Variants in CEP164 observed in about 807,000 individuals in gnomAD.
CEP164 encodes centrosomal protein 164, also known as centrosomal protein of 164 kDa.
A neutral mutation model predicts 182.7 loss-of-function variants in CEP164; 162 were observed. The ratio of observed to expected loss-of-function variants is 0.89; its 90% CI spans 0.78 to 1.01. CEP164 has a LOEUF of 1.01. CEP164 is among the 50% of genes least tolerant of loss of function. The pLI is 0.00. For missense variants in CEP164, 1,735 were observed against 1,790.4 expected (o/e 0.97, Z 0.56); for synonymous variants, 661 against 690.0 (o/e 0.96, Z 0.66).
rs2040927568 is a variant in CEP164, at chr11:117,361,245, T to C, written c.394-590T>C. ...CCACTGCGCCTGGCTTTTTTTTTTT[T>C]TTTTTTTTTTTTTTGAGACAGAGTC... On this transcript the variant is annotated intron_variant, in intron 5 of 32. Transcript: ENST00000278935. 3.7e-5 allele frequency among the ~76,000 whole-genome samples: 5 copies of C among 134,670 alleles called. No homozygotes were observed. The South Asian group carries it at 1.3e-3, about 36-fold the overall frequency. 88.3% of individuals were successfully genotyped at this position (134,670 alleles called of 152,430 possible).
At chr11:117,322,718 G>A (rs1275563800) in intron 1 of CEP164, among the ~76,000 whole-genome samples, 1 of 147,182 alleles carries the variant, frequency 6.8e-6, no homozygotes, top group Non-Finnish European at 1.5e-5. Context: ...ACCACGCCTG[G>A]CATATTTTGT....
At chr11:117,381,570 G>T (rs1208954683) in intron 12 of CEP164, 131 bp from the exon 13 acceptor site, 23 of 1,095,828 alleles carry the variant, frequency 2.1e-5, no homozygotes, top group Non-Finnish European at 2.8e-5. Context: ...TCCATGGATG[G>T]ATGTGGGGGT....
chr11:117,329,399 G>A (rs1591920521), intron 1 of CEP164, among the ~76,000 whole-genome samples: 2 of 152,112 alleles, frequency 1.3e-5, no homozygotes, highest in Admixed American at 6.6e-5. Context: ...TCATTCTAGA[G>A]CTCTGTCTTG....
rs763840694 is a variant in CEP164, at chr11:117,394,531, CTCCA to C, written c.2760+40_2760+43del. ...GGGCAGGGTGAGCCCACTGTGACCC[CTCCA>C]TGCACAGTAGGAAGGTGCTGGGAGC... On this transcript the variant is annotated intron_variant, in intron 21 of 32. Coordinates refer to ENST00000278935, the MANE Select transcript of CEP164 (RefSeq NM_014956.5). This position sits in a 1 kb window ranked among gnomAD's most constrained non-coding sequence, Gnocchi z 4.0. 16 of 1,608,808 alleles carry C rather than the reference CTCCA, an allele frequency of 9.9e-6. No homozygotes were observed. In the South Asian group the frequency reaches 1.3e-4, roughly 13 times the overall value.
intron 3 of CEP164, among the ~76,000 whole-genome samples, chr11:117,342,966 T>G (rs1317322635): frequency 6.6e-6 from 1 of 152,056 alleles, no homozygotes; most frequent in Non-Finnish European, 1.5e-5. Context: ...TGGCTGTCTC[T>G]TCTACTAGAA....
chr11:117,410,600 A>G (rs1177874410), intron 30 of CEP164: 1 of 458,408 alleles, frequency 2.2e-6, no homozygotes, highest in Non-Finnish European at 4.0e-6. Context: ...CCATAAAACA[A>G]GGCATTTGAG....
chr11:117,364,502 A>C (rs778920922), intron 8 of CEP164, among the ~76,000 whole-genome samples: 14 of 151,722 alleles, frequency 9.2e-5, no homozygotes, highest in Non-Finnish European at 1.6e-4. Context: ...GCTGGCTGAT[A>C]GCCCCTGATT....
At chr11:117,355,526 C>T (rs1421890561) in intron 5 of CEP164, 1 of 1,281,326 alleles carries the variant, frequency 7.8e-7, no homozygotes, top group South Asian at 1.2e-5. Context: ...GGACAAGGGC[C>T]AAAGCCCCAT....
At chr11:117,344,110 G>C (rs2038536907) in intron 3 of CEP164, 56 bp from the exon 4 acceptor site, 1 of 956,542 alleles carries the variant, frequency 1.0e-6, no homozygotes. Flanking sequence ...AAAAGATTGT[G>C]AGTTTTTTTC....
rs751715778 is a variant in CEP164, at chr11:117,363,523, C to T, written c.765+17C>T. The stretch of plus-strand genomic sequence containing the variant: ...GAGTATGAGGTAAGAGCCCTAATCC[C>T]TACAGGCACATGTGTCAGCCTGGCA... On this transcript the variant is annotated intron_variant, in intron 8 of 32. Transcript: ENST00000278935. 6.3e-6 allele frequency: 10 copies of T among 1,579,092 alleles called. No individual in the cohort carries two copies. Among genetic ancestry groups the T allele is most frequent in the Middle Eastern group, 1.7e-4 (1 of 5,992 alleles).
chr11:117,404,352 T>G (rs1450481439), intron 27 of CEP164, among the ~76,000 whole-genome samples: 2 of 152,236 alleles, frequency 1.3e-5, no homozygotes, highest in Non-Finnish European at 2.9e-5. Flanking sequence ...TGGATGTTCT[T>G]TTTGTTGACG....
intron 14 of CEP164, 47 bp downstream of exon 14, chr11:117,382,989 G>A (rs773034584): frequency 6.3e-7 from 1 of 1,585,082 alleles, no homozygotes; most frequent in Non-Finnish European, 8.6e-7. Flanking sequence ...ACTGCGTGTG[G>A]GCTGCTTCAG....
intron 3 of CEP164, among the ~76,000 whole-genome samples, chr11:117,339,905 A>C (rs1468740100): frequency 6.6e-6 from 1 of 152,152 alleles, no homozygotes; most frequent in East Asian, 1.9e-4. Context: ...ACAGATGAGG[A>C]AATCAAGGCA....
chr11:117,373,778 G>C lies in CEP164; in HGVS notation c.1180G>C (p.Glu394Gln). The change falls in exon 10 of 33, where the codon GAA becomes CAA. Residue 394 changes from glutamate (E) to glutamine (Q), a missense_variant. Coordinates refer to ENST00000278935, the MANE Select transcript of CEP164 (RefSeq NM_014956.5). Reference protein sequence around the residue: ...QELEISEHMKEPQLSDSIASD... With the variant: ...QELEISEHMKQPQLSDSIASD... ...ACTGGAAATTAGTGAACACATGAAG[G>C]AACCACAGCTCTCAGACTCCATAGC... 1 of 1,614,116 alleles carries C rather than the reference G, an allele frequency of 6.2e-7. No homozygotes were observed.
intron 2 of CEP164, chr11:117,336,307 ATCT>A (rs1370534849): frequency 2.0e-6 from 3 of 1,517,208 alleles, no homozygotes; most frequent in Admixed American, 3.4e-5. Flanking sequence ...TTTATTCTGC[ATCT>A]TCTTGTCCGC....
rs930348349 is a variant in CEP164, at chr11:117,409,373, C to T, written c.3749-245C>T. The T allele has an allele frequency of 5.2e-6, 3 of 577,400 alleles. No individual in the cohort carries two copies. In the South Asian group the frequency reaches 7.1e-5, roughly 14 times the overall value. 35.8% of individuals were successfully genotyped at this position (577,400 alleles called of 1,614,324 possible). On this transcript the variant is annotated intron_variant, in intron 29 of 32. Transcript: ENST00000278935. The surrounding 1 kb of genome is among the most constrained non-coding windows in gnomAD (Gnocchi z 4.4). Reference sequence around the variant, plus strand: ...AAGGGCCCTCTCCCCTTCCTTCTCTCTGGGGTCCTGGGCCCTTCACCCAGC... The same window carrying T: ...AAGGGCCCTCTCCCCTTCCTTCTCTTTGGGGTCCTGGGCCCTTCACCCAGC...
intron 27 of CEP164, among the ~76,000 whole-genome samples, chr11:117,398,126 A>T (rs1020470777): frequency 1.3e-5 from 2 of 152,210 alleles, no homozygotes; most frequent in African/African-American, 4.8e-5. Flanking sequence ...AATTGGCCAA[A>T]ACAAAGGGGT....
At chr11:117,410,070 T>C (rs1014060846) in intron 30 of CEP164, 105 bp downstream of exon 30, 2 of 1,054,190 alleles carry the variant, frequency 1.9e-6, no homozygotes, top group Non-Finnish European at 2.9e-6. Flanking sequence ...TCTTCCTCTT[T>C]TGCATCCCTT....
chr11:117,337,510 T>TAAAAAAAAA (rs55864956), intron 2 of CEP164, among the ~76,000 whole-genome samples: 5 of 128,892 alleles, frequency 3.9e-5, no homozygotes, highest in African/African-American at 8.8e-5. Context: ...ACCATCTCTG[T>TAAAAAAAAA]AAAAAAAAAA....
Sources: gnomAD v4.1 joint callset for allele counts (sites outside exome capture counted in the v4.1 genomes callset) on GRCh38, gnomAD v4.1.1 for gene constraint, Gnocchi (gnomAD v3.1) non-coding constraint, MANE v1.5 for transcripts, NCBI Gene and HGNC (gene_info 2026-07-23, HGNC 2026-07-21) for gene names.